RFX7: variants seen among roughly 807,000 people sequenced by gnomAD.
The protein encoded by RFX7 is regulatory factor X7.
Under a neutral mutation model 111.8 loss-of-function variants are expected in RFX7, and 26 were observed. The observed-to-expected ratio is 0.23, with a 90% CI of 0.17 to 0.32. RFX7 has a LOEUF of 0.32. Among genes scored for constraint, RFX7 ranks in the 10% least tolerant of loss-of-function variants. RFX7 has a pLI of 1.00. For missense variants in RFX7, 1,573 were observed against 1,772.9 expected (o/e 0.89, Z 2.02); for synonymous variants, 624 against 624.4 (o/e 1.00, Z 0.01).
At position 56,094,289 on chromosome 15, in the gene RFX7, C is replaced by A; in HGVS notation, c.3439G>T (p.Ala1147Ser). Reference sequence around the variant, plus strand: ...TTAGTTCCTTTATTATCAAGAGGGGCAGGGACTGCAAAACCCTCCTGTTTG... The same window carrying A: ...TTAGTTCCTTTATTATCAAGAGGGGAAGGGACTGCAAAACCCTCCTGTTTG... The part of the protein sequence containing the change: ...TNKQEGFAVP[A>S]PLDNKGTNSS... Residue 1147 changes from alanine to serine, a missense_variant, in exon 10 of 10, where the codon GCC becomes TCC. By Grantham distance (99) the Ala-to-Ser change is moderately conservative. Transcript: ENST00000559447. 6.8e-6 allele frequency: 11 copies of A among 1,613,960 alleles called. No homozygotes were observed. Among genetic ancestry groups the A allele is most frequent in the Non-Finnish European group, 9.3e-6 (11 of 1,179,870 alleles).
chr15:56,098,987 C>T (rs937977376), intron 8 of RFX7, among the ~76,000 whole-genome samples: 8 of 151,646 alleles, frequency 5.3e-5, no homozygotes, highest in African/African-American at 1.9e-4. Flanking sequence ...AATTTCTTAA[C>T]AAGACTAAAG....
chr15:56,218,126 T>C (rs184864119), intron 2 of RFX7, among the ~76,000 whole-genome samples: 1 of 148,760 alleles, frequency 6.7e-6, no homozygotes, highest in Admixed American at 6.7e-5. Context: ...GTATTACAAG[T>C]AATTTAGAAA....
chr15:56,098,610 G>C (rs1316777574), intron 8 of RFX7, among the ~76,000 whole-genome samples: 3 of 152,172 alleles, frequency 2.0e-5, no homozygotes, highest in Non-Finnish European at 4.4e-5. Context: ...TTAACAACAG[G>C]ATTTTAAAAT....
intron 3 of RFX7, among the ~76,000 whole-genome samples, chr15:56,159,371 T>C (rs12440495): frequency 0.066 from 9,993 of 152,252 alleles, 449 homozygotes; most frequent in Admixed American, 0.1. Flanking sequence ...ACTAACTTGG[T>C]TGGAATACCA....
At chr15:56,233,233 T>G (rs1596027231) in intron 2 of RFX7, among the ~76,000 whole-genome samples, 1 of 152,200 alleles carries the variant, frequency 6.6e-6, no homozygotes, top group Non-Finnish European at 1.5e-5. Context: ...ACAATCATGG[T>G]GGCAAGTGAA....
intron 5 of RFX7, among the ~76,000 whole-genome samples, chr15:56,129,328 T>C (rs79733814): frequency 0.033 from 4,989 of 151,438 alleles, 305 homozygotes; most frequent in African/African-American, 0.11. Flanking sequence ...TGAGCCGAGA[T>C]TGCAACACAG....
rs368341863 is a variant in RFX7, at chr15:56,092,621, G to C, written c.*724C>G. On this transcript the variant is annotated 3_prime_UTR_variant, in exon 10 of 10. Transcript: ENST00000559447. ...ACATTTGCTTGTTTTGTGTGTGCGT[G>C]CCTGCGCATCTATGTGTGCTAGCTC... is the stretch of plus-strand genomic sequence containing the variant. The C allele has an allele frequency of 6.6e-6, 1 of 152,460 alleles. No homozygotes were observed. Among genetic ancestry groups the C allele is most frequent in the Non-Finnish European group, 1.5e-5 (1 of 67,990 alleles). The allele number at this position is 152,460 out of a possible 1,614,324, so 9.4% of individuals were successfully genotyped here.
chr15:56,207,643 T>C (rs144888558), intron 2 of RFX7, among the ~76,000 whole-genome samples: 166 of 152,126 alleles, frequency 1.1e-3, no homozygotes, highest in Middle Eastern at 3.4e-3. Context: ...ATATTATCCA[T>C]AGAAAGAAAA....
chr15:56,194,102 C>T (rs1481127838), intron 2 of RFX7, among the ~76,000 whole-genome samples: 1 of 152,084 alleles, frequency 6.6e-6, no homozygotes, highest in African/African-American at 2.4e-5. Flanking sequence ...ATTTCAGAAA[C>T]TTTCCCCAGT....
intron 7 of RFX7, among the ~76,000 whole-genome samples, 151 bp from the exon 8 acceptor site, chr15:56,101,717 C>T (rs1256882884): frequency 6.6e-6 from 1 of 152,158 alleles, no homozygotes. Context: ...CATATAAGAG[C>T]TTTGCAAATA....
In RFX7 at chr15:56,096,569, C is replaced by T; in HGVS notation, c.1159G>A (p.Asp387Asn). The T allele has an allele frequency of 6.3e-7, 1 of 1,597,710 alleles. No homozygotes were observed. The highest frequency in any genetic ancestry group is 8.5e-7 in the Non-Finnish European group (1 of 1,171,630). ...ACATTGAGGGGAAGAACTTTGCCGTCAGAAGAACTCATTGGACTCGGTGAA... is the reference window on the plus strand; with the variant it reads ...ACATTGAGGGGAAGAACTTTGCCGTTAGAAGAACTCATTGGACTCGGTGAA... ...VTSPSPMSSSDGKVLPLNVQV... is the reference protein window; with the variant it reads ...VTSPSPMSSSNGKVLPLNVQV... The change falls in exon 10 of 10, where the codon GAC becomes AAC. Residue 387 changes from aspartate to asparagine, a missense_variant. This residue lies in a region of RFX7 where 288 missense variants were observed against 337.9 expected (regional missense o/e 0.85). Transcript: ENST00000559447.
chr15:56,170,704 C>T (rs2042836388), intron 3 of RFX7, among the ~76,000 whole-genome samples: 1 of 152,186 alleles, frequency 6.6e-6, no homozygotes, highest in Non-Finnish European at 1.5e-5. Context: ...TCCTCAGTCA[C>T]ACTAACCACA....
At chr15:56,155,729 G>C (rs191822514) in intron 3 of RFX7, among the ~76,000 whole-genome samples, 1 of 152,042 alleles carries the variant, frequency 6.6e-6, no homozygotes, top group Non-Finnish European at 1.5e-5. Flanking sequence ...AAAACTGCAC[G>C]TTCTGCACAT....
At chr15:56,195,864 C>T (rs958764593) in intron 2 of RFX7, among the ~76,000 whole-genome samples, 9 of 152,098 alleles carry the variant, frequency 5.9e-5, no homozygotes, top group African/African-American at 2.2e-4. Context: ...CTAATATACG[C>T]AACTCAATGC....
At chr15:56,216,364 A>C (rs1270463354) in intron 2 of RFX7, among the ~76,000 whole-genome samples, 1 of 152,218 alleles carries the variant, frequency 6.6e-6, no homozygotes, top group Non-Finnish European at 1.5e-5. Context: ...GAAGTAATTT[A>C]AAGTATTCTT....
intron 2 of RFX7, among the ~76,000 whole-genome samples, chr15:56,218,604 G>C (rs2141210755): frequency 6.6e-6 from 1 of 152,314 alleles, no homozygotes; most frequent in East Asian, 1.9e-4. Context: ...CTCTAGAGGT[G>C]AGGAGGCATG....
rs182156820 is a variant in RFX7 at position 56,239,216 on chromosome 15, A to G, written c.161+3909T>C. Among the ~76,000 whole-genome samples the G allele has an allele frequency of 2.0e-3, 301 of 152,284 alleles. 2 individuals are homozygous for G. Among genetic ancestry groups the G allele is most frequent in the African/African-American group, 6.1e-3 (255 of 41,560 alleles). On this transcript the variant is annotated intron_variant, in intron 2 of 9. Transcript: ENST00000559447. ...TAGGGATGTAACCCAAGTCTAAACA[A>G]GAAATTCATTTATGTTTCATATACA... is the stretch of plus-strand genomic sequence containing the variant.
chr15:56,211,067 C>T (rs1449782366), intron 2 of RFX7, among the ~76,000 whole-genome samples: 2 of 151,844 alleles, frequency 1.3e-5, no homozygotes, highest in African/African-American at 4.8e-5. Flanking sequence ...ACACAATCTG[C>T]AAAATCAGAA....
At chr15:56,102,531 G>C (rs1248945545) in intron 6 of RFX7, among the ~76,000 whole-genome samples, 3 of 152,108 alleles carry the variant, frequency 2.0e-5, no homozygotes, top group Non-Finnish European at 4.4e-5. Flanking sequence ...CTAATATGCT[G>C]TGCCAGCCAC....
Sources: gnomAD v4.1 joint callset for allele counts (sites outside exome capture counted in the v4.1 genomes callset) on GRCh38, gnomAD v4.1.1 for gene constraint, gnomAD v4.1.1 regional missense constraint, MANE v1.5 for transcripts, NCBI Gene and HGNC (gene_info 2026-07-23, HGNC 2026-07-21) for gene names.